The following EMSY variants were observed in gnomAD, a reference collection of about 807,000 sequenced individuals.
The protein encoded by EMSY is BRCA2-interacting transcriptional repressor EMSY.
A neutral mutation model predicts 134.6 loss-of-function variants in EMSY; 26 were observed. That is an observed-to-expected ratio of 0.19 (90% CI 0.14 to 0.27). EMSY has a LOEUF of 0.27. Ranked by LOEUF, EMSY falls within the 10% of genes least tolerant of loss-of-function variation. The pLI, the probability that EMSY is intolerant of heterozygous loss-of-function variation, is 1.00. For synonymous variants in EMSY, 579 were observed against 577.8 expected (o/e 1.00, Z -0.03); for missense variants, 1,305 against 1,611.4 (o/e 0.81, Z 3.26).
At chr11:76,535,007 A>G (rs891363473) in intron 14 of EMSY, among the ~76,000 whole-genome samples, 1 of 152,182 alleles carries the variant, frequency 6.6e-6, no homozygotes, top group African/African-American at 2.4e-5. Context: ...GTACCTGTAT[A>G]GCATGAATAT....
At chr11:76,492,379 C>G (rs921083149) in intron 8 of EMSY, among the ~76,000 whole-genome samples, 19 of 152,124 alleles carry the variant, frequency 1.2e-4, no homozygotes, top group Non-Finnish European at 2.4e-4. Flanking sequence ...GAGTCTGAGG[C>G]AGGAGAATCG....
At chr11:76,518,857 C>CG (rs1311716772) in intron 11 of EMSY, among the ~76,000 whole-genome samples, 22 of 54,132 alleles carry the variant, frequency 4.1e-4, no homozygotes, top group Non-Finnish European at 8.7e-4. Flanking sequence ...TATAGGCTGT[C>CG]TTGTGTGTGT....
intron 6 of EMSY, 39 bp from the exon 8 acceptor site, chr11:76,463,782 G>A: frequency 6.2e-7 from 1 of 1,600,278 alleles, no homozygotes; most frequent in Non-Finnish European, 8.5e-7. Context: ...TGCAAGATTA[G>A]TTTGGTATAC....
At chr11:76,470,855 T>C (rs1399520709) in intron 7 of EMSY, among the ~76,000 whole-genome samples, 2 of 152,158 alleles carry the variant, frequency 1.3e-5, no homozygotes. Context: ...CTTTCTTTTC[T>C]GTTTTTAAAT....
chr11:76,472,636 G>T (rs1290649261), exon 8 of EMSY: 2 of 1,614,060 alleles, frequency 1.2e-6, no homozygotes, highest in Non-Finnish European at 1.7e-6. Context: ...TAACTATGCA[G>T]CAGTCACTAA....
intron 14 of EMSY, among the ~76,000 whole-genome samples, chr11:76,533,369 C>T (rs1322880827): frequency 6.6e-6 from 1 of 152,036 alleles, no homozygotes; most frequent in Non-Finnish European, 1.5e-5. Flanking sequence ...CAGGAACAGA[C>T]CTAGAAGCGC....
intron 8 of EMSY, among the ~76,000 whole-genome samples, chr11:76,491,285 A>T (rs1391832276): frequency 1.3e-5 from 2 of 148,778 alleles, no homozygotes; most frequent in Non-Finnish European, 3.0e-5. Context: ...TGCTCAAGGG[A>T]TCCTCCTACC....
chr11:76,477,308 T>C (rs966371412), intron 8 of EMSY, among the ~76,000 whole-genome samples: 5 of 150,800 alleles, frequency 3.3e-5, no homozygotes, highest in African/African-American at 1.2e-4. Flanking sequence ...TTTTTTGGAT[T>C]GTCATTTTGA....
intron 14 of EMSY, among the ~76,000 whole-genome samples, chr11:76,531,551 C>T (rs781542247): frequency 1.1e-4 from 17 of 152,108 alleles, no homozygotes; most frequent in Non-Finnish European, 2.4e-4. Context: ...TCAGGAGAAA[C>T]ATGATGTCAG....
chr11:76,484,412 G>T (rs994196578), intron 8 of EMSY, among the ~76,000 whole-genome samples: 3 of 152,144 alleles, frequency 2.0e-5, no homozygotes, highest in Non-Finnish European at 4.4e-5. Context: ...GAGCAGAACT[G>T]AAGGAGATAG....
downstream of EMSY, chr11:76,551,774 A>T (rs892350149): frequency 1.3e-4 from 20 of 152,202 alleles, no homozygotes; most frequent in African/African-American, 4.6e-4. Context: ...AAAGATACAC[A>T]TGCAACATGT....
chr11:76,542,330 C>T (rs553195345), exon 18 of EMSY: 86 of 1,614,190 alleles, frequency 5.3e-5, no homozygotes, highest in South Asian at 5.2e-4. Context: ...TCCATCCCAG[C>T]ATCTTCCCCT....
chr11:76,502,370 A>G (rs1231997901), intron 9 of EMSY, among the ~76,000 whole-genome samples: 1 of 146,884 alleles, frequency 6.8e-6, no homozygotes. Flanking sequence ...GATCCTTTAT[A>G]TTATTTTTTT....
chr11:76,530,267 CTCCTG>C (rs1565352110), intron 14 of EMSY, among the ~76,000 whole-genome samples: 1 of 144,712 alleles, frequency 6.9e-6, no homozygotes, highest in African/African-American at 2.6e-5. Flanking sequence ...TCAAGCGATT[CTCCTG>C]CCTCAGCCTC....
chr11:76,536,705 A>G (rs774428085), intron 15 of EMSY, among the ~76,000 whole-genome samples: 8 of 152,202 alleles, frequency 5.3e-5, no homozygotes, highest in Non-Finnish European at 8.8e-5. Flanking sequence ...TAATAGGTCA[A>G]AGATTTTCAG....
At chr11:76,465,559 A>C (rs534347693) in intron 7 of EMSY, among the ~76,000 whole-genome samples, 17 of 147,884 alleles carry the variant, frequency 1.1e-4, no homozygotes, top group African/African-American at 4.2e-4. Context: ...TTTTGCTCTC[A>C]TACTTTAAAT....
intron 8 of EMSY, among the ~76,000 whole-genome samples, chr11:76,480,545 A>G (rs1368742658): frequency 1.3e-5 from 2 of 152,202 alleles, no homozygotes; most frequent in Admixed American, 6.5e-5. Context: ...GTGTGACTTT[A>G]TTAATTCAGC....
chr11:76,543,550 G>T (rs550568186), intron 18 of EMSY, among the ~76,000 whole-genome samples: 3 of 152,130 alleles, frequency 2.0e-5, no homozygotes, highest in African/African-American at 7.2e-5. Flanking sequence ...GGCCCTAACC[G>T]TGTCACTCAA....
Position 76,536,132 on chromosome 11 carries a change from GTTA to G in EMSY, c.2359+79_2359+81del. 3 of 985,170 alleles carry G rather than the reference GTTA, an allele frequency of 3.0e-6. No individual in the cohort carries two copies. The South Asian group carries it at 1.3e-4, about 42-fold the overall frequency. The allele number at this position is 985,170 out of a possible 1,614,324, so 61.0% of individuals were successfully genotyped here. On this transcript the variant is annotated intron_variant, in intron 15 of 20. Transcript: ENST00000334736. The stretch of plus-strand genomic sequence containing the variant: ...CGGGTTGTGCTAAAATACTACCACT[GTTA>G]TTATTTATTATTACTATTATTTATT...
Sources: allele counts gnomAD v4.1 joint callset (sites outside exome capture counted in the v4.1 genomes callset), GRCh38; gene constraint gnomAD v4.1.1; transcripts MANE v1.5; gene names NCBI Gene and HGNC (gene_info 2026-07-23, HGNC 2026-07-21).